Variants in ZNF804B observed in about 807,000 individuals in gnomAD.
ZNF804B encodes zinc finger 804B.
Under a neutral mutation model 101.4 loss-of-function variants are expected in ZNF804B, and 80 were observed. That is an observed-to-expected ratio of 0.79 (90% confidence interval 0.66 to 0.95). ZNF804B has a LOEUF of 0.95. ZNF804B is among the 40% of genes least tolerant of loss of function. The pLI is 0.00. For missense variants in ZNF804B, 1,673 were observed against 1,561.9 expected (o/e 1.07, Z -1.20); for synonymous variants, 622 against 558.8 (o/e 1.11, Z -1.59).
intron 1 of ZNF804B, among the ~76,000 whole-genome samples, chr7:88,887,826 A>C (rs1792153206): frequency 6.6e-6 from 1 of 151,632 alleles, no homozygotes; most frequent in African/African-American, 2.4e-5. Flanking sequence ...CTACGATCCT[A>C]CCCAGTCTCC....
intron 1 of ZNF804B, among the ~76,000 whole-genome samples, chr7:88,871,874 A>C (rs2115881253): frequency 6.6e-6 from 1 of 152,240 alleles, no homozygotes; most frequent in Non-Finnish European, 1.5e-5. Context: ...AGGCTGAGGC[A>C]GGAGAATTGC....
In ZNF804B at chr7:89,323,322, C is replaced by A. The variant is rs1790848583; in HGVS notation, c.250-4022C>A. ...AAACCACACTAGAATGACACAAGAA[C>A]TTTGAAAGATAATACAGACCAATAT... On this transcript the variant is annotated intron_variant, in intron 2 of 3. Coordinates refer to ENST00000333190, the MANE Select transcript of ZNF804B (RefSeq NM_181646.5). 2.6e-5 allele frequency among the ~76,000 whole-genome samples: 4 copies of A among 152,152 alleles called. No homozygotes were observed. In the South Asian group the frequency reaches 8.3e-4, roughly 32 times the overall value.
chr7:88,832,429 A>G (rs1008371957), intron 1 of ZNF804B, among the ~76,000 whole-genome samples: 2 of 152,034 alleles, frequency 1.3e-5, no homozygotes, highest in African/African-American at 2.4e-5. Flanking sequence ...GAATCTGTAT[A>G]TGGAAGATGC....
chr7:89,073,528 A>G (rs1044408279), intron 1 of ZNF804B, among the ~76,000 whole-genome samples: 2 of 152,156 alleles, frequency 1.3e-5, no homozygotes, highest in African/African-American at 2.4e-5. Flanking sequence ...GATTTCCTGT[A>G]TCAGATCATT....
chr7:88,799,840 A>G (rs1024208532), intron 1 of ZNF804B, among the ~76,000 whole-genome samples: 11 of 152,074 alleles, frequency 7.2e-5, no homozygotes, highest in Admixed American at 3.3e-4. Flanking sequence ...ACCAATTTAG[A>G]AAGGGTAACT....
chr7:89,157,084 T>C (rs1790990894), intron 1 of ZNF804B, among the ~76,000 whole-genome samples: 1 of 152,158 alleles, frequency 6.6e-6, no homozygotes, highest in Non-Finnish European at 1.5e-5. Flanking sequence ...TGGTACAGGC[T>C]CTCTATTGGT....
At chr7:89,044,630 G>T (rs564825668) in intron 1 of ZNF804B, among the ~76,000 whole-genome samples, 2 of 152,142 alleles carry the variant, frequency 1.3e-5, no homozygotes, top group African/African-American at 4.8e-5. Flanking sequence ...AGATGGAGAT[G>T]AGGAACTTTT....
intron 1 of ZNF804B, among the ~76,000 whole-genome samples, chr7:89,160,749 T>C (rs991330079): frequency 3.9e-5 from 6 of 152,182 alleles, no homozygotes; most frequent in African/African-American, 1.4e-4. Context: ...ATAGTCATTA[T>C]TTCTATAACT....
intron 1 of ZNF804B, among the ~76,000 whole-genome samples, chr7:88,890,073 A>C (rs1016697685): frequency 9.2e-5 from 14 of 152,166 alleles, no homozygotes; most frequent in African/African-American, 3.4e-4. Flanking sequence ...ATTGACAATA[A>C]GTTATTTCAT....
At chr7:89,092,724 A>T (rs1355661549) in intron 1 of ZNF804B, among the ~76,000 whole-genome samples, 1 of 152,126 alleles carries the variant, frequency 6.6e-6, no homozygotes, top group Non-Finnish European at 1.5e-5. Context: ...GGCTATTGGA[A>T]ACTTTTGCAA....
intron 1 of ZNF804B, among the ~76,000 whole-genome samples, chr7:88,845,276 T>TGCGCACGCGCGC (rs749129698): frequency 1.4e-5 from 2 of 138,776 alleles, no homozygotes; most frequent in South Asian, 2.2e-4. Context: ...TGCGCATGTG[T>TGCGCACGCGCGC]GCGCACGCGC....
chr7:89,262,597 T>C (rs1206636976), intron 2 of ZNF804B, among the ~76,000 whole-genome samples: 2 of 152,148 alleles, frequency 1.3e-5, no homozygotes, highest in Non-Finnish European at 2.9e-5. Context: ...TCTTTTTATC[T>C]TTTTTTCCAT....
chr7:88,885,988 C>G (rs1792119376), intron 1 of ZNF804B, among the ~76,000 whole-genome samples: 1 of 151,924 alleles, frequency 6.6e-6, no homozygotes, highest in Non-Finnish European at 1.5e-5. Flanking sequence ...GAATTTAATG[C>G]TTTTGTATCT....
At chr7:89,231,775 A>G (rs1789195676) in intron 2 of ZNF804B, among the ~76,000 whole-genome samples, 1 of 151,970 alleles carries the variant, frequency 6.6e-6, no homozygotes, top group African/African-American at 2.4e-5. Context: ...TAATATTACT[A>G]TTTTATATCG....
intron 2 of ZNF804B, among the ~76,000 whole-genome samples, chr7:89,236,344 A>G (rs1203517827): frequency 6.6e-6 from 1 of 152,146 alleles, no homozygotes; most frequent in Non-Finnish European, 1.5e-5. Context: ...AGAGCATGTA[A>G]GATAAGTATA....
chr7:89,016,934 C>T (rs1265296461), intron 1 of ZNF804B, among the ~76,000 whole-genome samples: 1 of 152,126 alleles, frequency 6.6e-6, no homozygotes, highest in Admixed American at 6.5e-5. Context: ...GGCATTATGG[C>T]CGTTTTCACG....
chr7:89,066,770 T>C (rs1021513351), intron 1 of ZNF804B, among the ~76,000 whole-genome samples: 16 of 152,062 alleles, frequency 1.1e-4, no homozygotes, highest in African/African-American at 3.6e-4. Context: ...TTGTTTTGTT[T>C]TGATTTTTTG....
chr7:89,335,878 C>G lies in ZNF804B; in HGVS notation c.2896C>G (p.Gln966Glu). Residue 966 changes from glutamine to glutamate, a missense_variant, in exon 4 of 4, where the codon CAA becomes GAA. Coordinates refer to ENST00000333190, the MANE Select transcript of ZNF804B (RefSeq NM_181646.5). ...TCCTTCGCAAGTCCCATGCACAATTCAACTTGCACCATCAGGCTGTAACAG... is the reference window on the plus strand; with the variant it reads ...TCCTTCGCAAGTCCCATGCACAATTGAACTTGCACCATCAGGCTGTAACAG... Reference protein sequence around the residue: ...EAPSQVPCTIQLAPSGCNRQA... With the variant: ...EAPSQVPCTIELAPSGCNRQA... The G allele has an allele frequency of 3.1e-6, 5 of 1,614,074 alleles. No homozygotes were observed. Among genetic ancestry groups the G allele is most frequent in the Non-Finnish European group, 4.2e-6 (5 of 1,179,986 alleles).
intron 1 of ZNF804B, among the ~76,000 whole-genome samples, chr7:89,153,737 C>T (rs551853527): frequency 2.0e-5 from 3 of 152,074 alleles, no homozygotes; most frequent in African/African-American, 7.2e-5. Flanking sequence ...CTTGCTTCTA[C>T]TTGTATCTCT....
Sources: allele counts gnomAD v4.1 joint callset (sites outside exome capture counted in the v4.1 genomes callset), GRCh38; gene constraint gnomAD v4.1.1; transcripts MANE v1.5; gene names NCBI Gene and HGNC (gene_info 2026-07-23, HGNC 2026-07-21).